Variants in MAP3K2 observed in about 807,000 individuals in gnomAD.
MAP3K2 encodes the protein mitogen-activated protein kinase kinase kinase 2, also known as MAP/ERK kinase kinase 2.
A neutral mutation model predicts 80.3 loss-of-function variants in MAP3K2; 24 were observed. That is an observed-to-expected ratio of 0.30 (90% CI 0.22 to 0.42). The LOEUF (loss-of-function observed/expected upper bound fraction) is 0.42, where lower values mean the gene tolerates loss of function less well. Among genes scored for constraint, MAP3K2 ranks in the 10% least tolerant of loss-of-function variants. The pLI is 1.00. For missense variants in MAP3K2, 608 were observed against 750.1 expected (o/e 0.81, Z 2.21); for synonymous variants, 244 against 253.7 (o/e 0.96, Z 0.36).
chr2:127,314,208 A>G (rs773596395), intron 15 of MAP3K2, among the ~76,000 whole-genome samples: 36 of 152,150 alleles, frequency 2.4e-4, no homozygotes, highest in Non-Finnish European at 5.0e-4. Flanking sequence ...GGTTCATCAA[A>G]GCTCAGTTTG....
At position 127,304,142 on chromosome 2, in the gene MAP3K2, A is replaced by G. The variant is rs916940621; in HGVS notation, c.*3437T>C. ...ATGCATTAATATTTTAATTCCTTATATATGTTATGTAAGGGTAACTGTGCC... is the reference window on the plus strand; with the variant it reads ...ATGCATTAATATTTTAATTCCTTATGTATGTTATGTAAGGGTAACTGTGCC... On this transcript the variant is annotated 3_prime_UTR_variant, in exon 17 of 17. Transcript: ENST00000682094. 4 of 152,148 alleles carry G rather than the reference A, an allele frequency of 2.6e-5. No individual in the cohort carries two copies. Among genetic ancestry groups the G allele is most frequent in the Non-Finnish European group, 5.9e-5 (4 of 68,020 alleles). The allele number at this position is 152,148 out of a possible 1,614,324, so 9.4% of individuals were successfully genotyped here. A position where few individuals can be genotyped will look rare whatever the true frequency, so the allele number is the denominator to read the frequency against.
At chr2:127,336,357 G>C (rs2104840258) in intron 4 of MAP3K2, among the ~76,000 whole-genome samples, 1 of 152,258 alleles carries the variant, frequency 6.6e-6, no homozygotes, top group East Asian at 1.9e-4. Flanking sequence ...TTGTTCTCCA[G>C]GGATTCAAAT....
At chr2:127,323,703 A>T (rs1001463311) in intron 11 of MAP3K2, among the ~76,000 whole-genome samples, 199 bp downstream of exon 11, 12 of 152,216 alleles carry the variant, frequency 7.9e-5, no homozygotes, top group Non-Finnish European at 1.5e-4. Context: ...ACAAAAAATT[A>T]TTCATTTTCT....
Position 127,317,948 on chromosome 2 carries a change from T to C in MAP3K2, c.1195-188A>G, listed in dbSNP as rs1685939197. The stretch of plus-strand genomic sequence containing the variant: ...TATGCTAAAGCAACACTGACTCAGA[T>C]TAGGATTATAACTGAAGTACTAAAA... On this transcript the variant is annotated intron_variant, in intron 13 of 16. Transcript: ENST00000682094. Among the ~76,000 whole-genome samples the C allele has an allele frequency of 6.6e-6, 1 of 152,056 alleles. No individual in the cohort carries two copies. Among genetic ancestry groups the C allele is most frequent in the Non-Finnish European group, 1.5e-5 (1 of 68,010 alleles).
chr2:127,372,137 T>C (rs367665055), intron 1 of MAP3K2, among the ~76,000 whole-genome samples: 9 of 152,336 alleles, frequency 5.9e-5, no homozygotes, highest in African/African-American at 2.2e-4. Flanking sequence ...GGATTAGTCC[T>C]AGGGCAATCT....
chr2:127,316,290 C>T (rs1685901508), intron 14 of MAP3K2, among the ~76,000 whole-genome samples: 2 of 152,172 alleles, frequency 1.3e-5, no homozygotes, highest in South Asian at 2.1e-4. Context: ...AGGAGAATTG[C>T]TTGAACCCAG....
At chr2:127,314,718 C>T (rs1236093017) in intron 15 of MAP3K2, 36 bp downstream of exon 15, 4 of 1,509,000 alleles carry the variant, frequency 2.7e-6, no homozygotes, top group Non-Finnish European at 2.7e-6. Context: ...TCACTAAGAA[C>T]TGTGTACTTA....
In MAP3K2 at chr2:127,372,201, T is replaced by C. The variant is rs532968690; in HGVS notation, c.-66+15251A>G. The stretch of plus-strand genomic sequence containing the variant: ...TCACTGGGGTAACTGATAGTGATTA[T>C]TGAGGTGAGATACTAGTTATGATGG... On this transcript the variant is annotated intron_variant, in intron 1 of 16. Coordinates refer to ENST00000682094, the MANE Select transcript of MAP3K2 (RefSeq NM_001371910.2). 2.6e-4 allele frequency among the ~76,000 whole-genome samples: 39 copies of C among 152,274 alleles called. No homozygotes were observed. In the South Asian group the frequency reaches 5.2e-3, roughly 20 times the overall value.
rs146050044 is a variant in MAP3K2, at chr2:127,370,759, C to T, written c.-66+16693G>A. Among the ~76,000 whole-genome samples the T allele has an allele frequency of 3.5e-3, 528 of 152,244 alleles. 3 individuals carry two copies. The highest frequency in any genetic ancestry group is 9.5e-3 in the African/African-American group (393 of 41,520). On this transcript the variant is annotated intron_variant, in intron 1 of 16. Coordinates refer to ENST00000682094, the MANE Select transcript of MAP3K2 (RefSeq NM_001371910.2). ...CCAGTAACATCTTTAACATTATGGGCTTTAGTTAGGGCAGCTCTGGCCCCG... is the reference window on the plus strand; with the variant it reads ...CCAGTAACATCTTTAACATTATGGGTTTTAGTTAGGGCAGCTCTGGCCCCG...
chr2:127,330,083 T>G lies in MAP3K2; in HGVS notation c.379-75A>C. The G allele has an allele frequency of 5.0e-6, 4 of 807,630 alleles. No homozygotes were observed. The South Asian group carries it at 6.0e-5, about 12-fold the overall frequency. The allele number at this position is 807,630 out of a possible 1,614,324, so 50.0% of individuals were successfully genotyped here. A position where few individuals can be genotyped will look rare whatever the true frequency, so the allele number is the denominator to read the frequency against. On this transcript the variant is annotated intron_variant, in intron 6 of 16. Transcript: ENST00000682094. ...AAACAGAATCCTCTCCCCTACCAAG[T>G]ACAAAACATTTTATATTGTTTGTGA... is the stretch of plus-strand genomic sequence containing the variant.
chr2:127,344,431 C>T (rs906264916), intron 1 of MAP3K2, among the ~76,000 whole-genome samples: 1 of 150,258 alleles, frequency 6.7e-6, no homozygotes, highest in African/African-American at 2.5e-5. Flanking sequence ...GGGAGGATCA[C>T]GTGAGCCCAG....
chr2:127,381,431 G>A (rs999895510), intron 1 of MAP3K2, among the ~76,000 whole-genome samples: 1 of 152,012 alleles, frequency 6.6e-6, no homozygotes, highest in Non-Finnish European at 1.5e-5. Flanking sequence ...CGTAACAAAC[G>A]ATACTTTGAA....
intron 1 of MAP3K2, among the ~76,000 whole-genome samples, chr2:127,376,390 T>C (rs1435528360): frequency 6.6e-6 from 1 of 152,168 alleles, no homozygotes. Flanking sequence ...TCATTAAATC[T>C]ATACTGAATA....
rs1401007268 is a variant in MAP3K2 at position 127,339,517 on chromosome 2, CAAAG to C, written c.5-471_5-468del. Among the ~76,000 whole-genome samples the C allele has an allele frequency of 6.6e-6, 1 of 152,072 alleles. No homozygotes were observed. The highest frequency in any genetic ancestry group is 1.5e-5 in the Non-Finnish European group (1 of 67,990). On this transcript the variant is annotated intron_variant, in intron 2 of 16. Transcript: ENST00000682094. The surrounding 1 kb of genome is among the most constrained non-coding windows in gnomAD (Gnocchi z 4.2). ...TTCATCAATACTTAAGAGTCAGAAA[CAAAG>C]AAAAGCTTCACCTGTGGATACTGGC...
intron 15 of MAP3K2, among the ~76,000 whole-genome samples, chr2:127,311,014 C>T (rs1289614823): frequency 1.3e-5 from 2 of 152,082 alleles, no homozygotes; most frequent in Non-Finnish European, 2.9e-5. Flanking sequence ...AAGAAGGAGA[C>T]TGAATAGTGG....
chr2:127,370,789 A>C (rs1468148661), intron 1 of MAP3K2, among the ~76,000 whole-genome samples: 2 of 152,198 alleles, frequency 1.3e-5, no homozygotes, highest in Non-Finnish European at 2.9e-5. Context: ...GCCCCGTTAT[A>C]CACAGAAGAG....
rs952278346 is a variant in MAP3K2, at chr2:127,383,910, G to T, written c.-66+3542C>A. On this transcript the variant is annotated intron_variant, in intron 1 of 16. Coordinates refer to ENST00000682094, the MANE Select transcript of MAP3K2 (RefSeq NM_001371910.2). ...TTTTTTTGAGATGGAGTCTCGCTCTGTCACCCAGACTGGAGTGCAGTGGCG... is the reference window on the plus strand; with the variant it reads ...TTTTTTTGAGATGGAGTCTCGCTCTTTCACCCAGACTGGAGTGCAGTGGCG... Among the ~76,000 whole-genome samples the T allele has an allele frequency of 2.9e-5, 4 of 137,442 alleles. No homozygotes were observed. In the Admixed American group the frequency reaches 3.3e-4, roughly 11 times the overall value. The allele number at this position is 137,442 out of a possible 152,430, so 90.2% of individuals were successfully genotyped here.
At chr2:127,350,622 A>C (rs1686676969) in intron 1 of MAP3K2, among the ~76,000 whole-genome samples, 1 of 152,088 alleles carries the variant, frequency 6.6e-6, no homozygotes, top group African/African-American at 2.4e-5. Flanking sequence ...AATAGAAATA[A>C]TTAAGTAATA....
Position 127,333,306 on chromosome 2 carries a change from C to CT in MAP3K2, c.264+2563_264+2564insA, listed in dbSNP as rs1156500034. On this transcript the variant is annotated intron_variant, in intron 5 of 16. Transcript: ENST00000682094. ...CACACACACACACACACACACACACCCCTTATTAAAGAGAAGCCAAACTAA... is the reference window on the plus strand; with the variant it reads ...CACACACACACACACACACACACACCTCCTTATTAAAGAGAAGCCAAACTAA... Among the ~76,000 whole-genome samples the CT allele has an allele frequency of 2.2e-5, 3 of 136,762 alleles. No individual in the cohort carries two copies. In the East Asian group the frequency reaches 6.8e-4, roughly 31 times the overall value. The allele number at this position is 136,762 out of a possible 152,430, so 89.7% of individuals were successfully genotyped here.
Sources: allele counts gnomAD v4.1 joint callset (sites outside exome capture counted in the v4.1 genomes callset), GRCh38; gene constraint gnomAD v4.1.1; non-coding constraint Gnocchi (gnomAD v3.1); transcripts MANE v1.5; gene names NCBI Gene and HGNC (gene_info 2026-07-23, HGNC 2026-07-21).